The following CFAP20DC variants were observed in gnomAD, a reference collection of about 807,000 sequenced individuals.
The protein encoded by CFAP20DC is CFAP20 domain containing.
A neutral mutation model predicts 101.7 loss-of-function variants in CFAP20DC; 84 were observed. The ratio of observed to expected loss-of-function variants is 0.83; its 90% CI spans 0.69 to 0.99. CFAP20DC has a LOEUF of 0.99. CFAP20DC is among the 50% of genes least tolerant of loss of function. CFAP20DC has a pLI of 0.00. For missense variants in CFAP20DC, 1,007 were observed against 970.3 expected (o/e 1.04, Z -0.50); for synonymous variants, 359 against 351.2 (o/e 1.02, Z -0.25).
chr3:58,778,591 C>A (rs2071548867), intron 15 of CFAP20DC, among the ~76,000 whole-genome samples: 1 of 152,272 alleles, frequency 6.6e-6, no homozygotes, highest in Middle Eastern at 3.4e-3. Flanking sequence ...ACTTGAGAAC[C>A]CACACACCAA....
chr3:58,947,808 A>T (rs2089555220), intron 4 of CFAP20DC, among the ~76,000 whole-genome samples: 1 of 152,194 alleles, frequency 6.6e-6, no homozygotes, highest in Non-Finnish European at 1.5e-5. Flanking sequence ...AGGACAACAA[A>T]GGAGGAAAAG....
At chr3:58,738,549 A>G (rs2107111560), downstream of CFAP20DC, among the ~76,000 whole-genome samples, 1 of 152,320 alleles carries the variant, frequency 6.6e-6, no homozygotes, top group East Asian at 1.9e-4. The surrounding 1 kb of genome is among the most constrained non-coding windows in gnomAD (Gnocchi z 4.4). Flanking sequence ...ATAGTATTCC[A>G]TGGTGTATAT....
intron 15 of CFAP20DC, among the ~76,000 whole-genome samples, chr3:58,774,263 C>T (rs930786388): frequency 2.0e-5 from 3 of 152,046 alleles, no homozygotes; most frequent in Non-Finnish European, 4.4e-5. Context: ...TCTTGATTAA[C>T]AAAGCTGAAT....
At chr3:58,747,113 T>C (rs2068258483) in intron 16 of CFAP20DC, among the ~76,000 whole-genome samples, 1 of 152,230 alleles carries the variant, frequency 6.6e-6, no homozygotes, top group Non-Finnish European at 1.5e-5. Context: ...AACCATTTTC[T>C]GCTACTAGAC....
chr3:58,893,803 GC>G (rs1377415523), intron 6 of CFAP20DC, among the ~76,000 whole-genome samples: 9 of 151,450 alleles, frequency 5.9e-5, no homozygotes, highest in African/African-American at 2.2e-4. Flanking sequence ...GTTTATTGGA[GC>G]CTGTATTAGT....
chr3:58,899,319 G>A lies in CFAP20DC; in HGVS notation c.550+14389C>T, dbSNP rs1453632251. Among the ~76,000 whole-genome samples the A allele has an allele frequency of 4.6e-5, 7 of 152,184 alleles. No individual in the cohort carries two copies. Among genetic ancestry groups the A allele is most frequent in the Non-Finnish European group, 1.0e-4 (7 of 68,038 alleles). On this transcript the variant is annotated intron_variant, in intron 6 of 16. Coordinates refer to ENST00000482387, the MANE Select transcript of CFAP20DC (RefSeq NM_001394063.1). The surrounding 1 kb of genome is among the most constrained non-coding windows in gnomAD (Gnocchi z 5.0). ...GAGTTGCCTAAACCACAGAGATGTT[G>A]GCCACCCCTCCCACTGGGGACTCGG...
intron 7 of CFAP20DC, among the ~76,000 whole-genome samples, chr3:58,881,128 TC>T (rs1406239099): frequency 6.6e-6 from 1 of 152,180 alleles, no homozygotes; most frequent in Non-Finnish European, 1.5e-5. Flanking sequence ...GATGATTATT[TC>T]ATGTTTTTTT....
chr3:58,908,523 G>A (rs1443909092), intron 6 of CFAP20DC, among the ~76,000 whole-genome samples: 1 of 152,198 alleles, frequency 6.6e-6, no homozygotes, highest in Non-Finnish European at 1.5e-5. Flanking sequence ...AGAATGTGGA[G>A]TAATAGGAAC....
At chr3:58,821,285 T>C (rs1445685535) in intron 14 of CFAP20DC, among the ~76,000 whole-genome samples, 1 of 151,952 alleles carries the variant, frequency 6.6e-6, no homozygotes, top group Non-Finnish European at 1.5e-5. Context: ...AAAGACAAAA[T>C]TGACAAATGG....
intron 4 of CFAP20DC, among the ~76,000 whole-genome samples, chr3:58,977,911 G>A (rs1404157896): frequency 6.6e-6 from 1 of 152,164 alleles, no homozygotes. Context: ...AGTGTGGGAA[G>A]GAGGATGCAA....
chr3:58,945,799 C>T (rs928455045), intron 4 of CFAP20DC, among the ~76,000 whole-genome samples: 1 of 151,338 alleles, frequency 6.6e-6, no homozygotes. Flanking sequence ...CTGGTTCAAG[C>T]GATTCTCCTG....
intron 5 of CFAP20DC, among the ~76,000 whole-genome samples, chr3:58,934,683 T>A (rs1022670041): frequency 9.9e-5 from 15 of 152,220 alleles, no homozygotes; most frequent in Non-Finnish European, 1.9e-4. Flanking sequence ...ACATGATTAT[T>A]TCAATAGATG....
At chr3:59,041,620 A>G (rs1699396021) in intron 3 of CFAP20DC, among the ~76,000 whole-genome samples, 1 of 152,156 alleles carries the variant, frequency 6.6e-6, no homozygotes, top group African/African-American at 2.4e-5. Flanking sequence ...ATGTCCATCA[A>G]GTACATAAAA....
At chr3:58,803,617 A>C (rs1393134940) in intron 15 of CFAP20DC, among the ~76,000 whole-genome samples, 2 of 152,214 alleles carry the variant, frequency 1.3e-5, no homozygotes, top group Non-Finnish European at 2.9e-5. Flanking sequence ...TAATTTTATC[A>C]TCTTCTGTAT....
chr3:58,825,568 AT>A (rs1181135896), intron 14 of CFAP20DC, among the ~76,000 whole-genome samples: 1 of 151,746 alleles, frequency 6.6e-6, no homozygotes, highest in African/African-American at 2.4e-5. Flanking sequence ...ACATGGCTTT[AT>A]GCTATTGTCA....
chr3:58,807,753 A>T (rs1173793360), intron 14 of CFAP20DC, among the ~76,000 whole-genome samples: 1 of 152,252 alleles, frequency 6.6e-6, no homozygotes, highest in South Asian at 2.1e-4. Context: ...GCTTCAGATG[A>T]TCAAACTACT....
chr3:58,858,424 A>G (rs1445345639), intron 12 of CFAP20DC, among the ~76,000 whole-genome samples: 1 of 152,220 alleles, frequency 6.6e-6, no homozygotes, highest in African/African-American at 2.4e-5. Context: ...GCATTTAGAC[A>G]ATAATTTCTG....
chr3:58,912,876 A>G lies in CFAP20DC; in HGVS notation c.550+832T>C, dbSNP rs746581201. 9 of 393,700 alleles carry G rather than the reference A, an allele frequency of 2.3e-5. No individual in the cohort carries two copies. The highest frequency in any genetic ancestry group is 8.1e-4 in the Middle Eastern group (1 of 1,238). The allele number at this position is 393,700 out of a possible 1,614,324, so 24.4% of individuals were successfully genotyped here. ...AGAAAATTAATATGATTTCTCCCAA[A>G]TGACTTCCTGAAATGTACACAGAGT... On this transcript the variant is annotated intron_variant, in intron 6 of 16. Transcript: ENST00000482387. This position sits in a 1 kb window ranked among gnomAD's most constrained non-coding sequence, Gnocchi z 4.4.
chr3:58,871,859 G>C (rs1439840059), intron 7 of CFAP20DC, among the ~76,000 whole-genome samples: 1 of 152,042 alleles, frequency 6.6e-6, no homozygotes, highest in Non-Finnish European at 1.5e-5. Context: ...AATGAACTGT[G>C]AGAAGTTTCA....
Sources: gnomAD v4.1 joint callset for allele counts (sites outside exome capture counted in the v4.1 genomes callset) on GRCh38, gnomAD v4.1.1 for gene constraint, Gnocchi (gnomAD v3.1) non-coding constraint, MANE v1.5 for transcripts, NCBI Gene and HGNC (gene_info 2026-07-23, HGNC 2026-07-21) for gene names.